The following IGSF21 variants were observed in gnomAD, a reference collection of about 807,000 sequenced individuals.
IGSF21 encodes immunoglobin superfamily member 21.
In IGSF21, 28 loss-of-function variants were observed where a neutral mutation model predicts 46.8. The observed-to-expected ratio is 0.60, with a 90% CI of 0.44 to 0.82. The LOEUF (loss-of-function observed/expected upper bound fraction) is 0.82. Ranked by LOEUF, IGSF21 falls within the 40% of genes least tolerant of loss-of-function variation. The pLI is 0.00. For synonymous variants in IGSF21, 284 were observed against 273.6 expected, an observed-to-expected ratio of 1.04 and a Z score of -0.38; for missense variants, 624 against 665.5, an observed-to-expected ratio of 0.94 and a Z score of 0.69.
chr1:18,321,617 A>C (rs183416831), intron 3 of IGSF21, among the ~76,000 whole-genome samples: 538 of 152,304 alleles, frequency 3.5e-3, no homozygotes, highest in Non-Finnish European at 5.9e-3. Context: ...CTCTCACCCC[A>C]TGAGCCAGAA....
In IGSF21 at chr1:18,337,603, G is replaced by T. The variant is rs990805640; in HGVS notation, c.424+2593G>T. ...GCACCGTGGCAACCTGGAAGCCAGG[G>T]TGTGTCTCTGGGAGTGGCAGAGACA... On this transcript the variant is annotated intron_variant, in intron 4 of 9. Coordinates refer to ENST00000251296, the MANE Select transcript of IGSF21 (RefSeq NM_032880.5). This position sits in a 1 kb window ranked among gnomAD's most constrained non-coding sequence, Gnocchi z 5.7. Among the ~76,000 whole-genome samples the T allele has an allele frequency of 6.6e-6, 1 of 151,664 alleles. No homozygotes were observed. The highest frequency in any genetic ancestry group is 1.5e-5 in the Non-Finnish European group (1 of 67,980).
At chr1:18,217,615 T>C (rs2084462616) in intron 1 of IGSF21, among the ~76,000 whole-genome samples, 1 of 152,234 alleles carries the variant, frequency 6.6e-6, no homozygotes, top group Non-Finnish European at 1.5e-5. Context: ...CATTGTGTCC[T>C]GTGACTATAG....
At chr1:18,339,915 T>G (rs955962387) in intron 4 of IGSF21, among the ~76,000 whole-genome samples, 5 of 152,142 alleles carry the variant, frequency 3.3e-5, no homozygotes, top group African/African-American at 1.2e-4. Context: ...CCTCCCCCAC[T>G]TCTCAAACCC....
chr1:18,145,577 C>T (rs1191392172), intron 1 of IGSF21, among the ~76,000 whole-genome samples: 4 of 152,070 alleles, frequency 2.6e-5, no homozygotes, highest in Non-Finnish European at 4.4e-5. Context: ...TTCTTTCCAC[C>T]GAGGACACGA....
rs147663697 is a variant in IGSF21 at position 18,292,101 on chromosome 1, G to C, written c.305+114G>C. The C allele has an allele frequency of 2.7e-4, 314 of 1,155,922 alleles. 1 individual carries two copies. The African/African-American group carries it at 4.4e-3, about 16-fold the overall frequency. The allele number at this position is 1,155,922 out of a possible 1,614,324, so 71.6% of individuals were successfully genotyped here. ...TCAATCCCTCGGTGCTCTTGGGCTTGGAAGGCAGAACTGGGGGCTCCCCTT... is the reference window on the plus strand; with the variant it reads ...TCAATCCCTCGGTGCTCTTGGGCTTCGAAGGCAGAACTGGGGGCTCCCCTT... On this transcript the variant is annotated intron_variant, in intron 3 of 9. Coordinates refer to ENST00000251296, the MANE Select transcript of IGSF21 (RefSeq NM_032880.5).
At chr1:18,233,130 A>G (rs1252798932) in intron 2 of IGSF21, among the ~76,000 whole-genome samples, 3 of 152,150 alleles carry the variant, frequency 2.0e-5, no homozygotes, top group African/African-American at 4.8e-5. Context: ...TTCTTTTACA[A>G]TTTGTTCCCA....
At chr1:18,249,274 G>A (rs1263461545) in intron 2 of IGSF21, among the ~76,000 whole-genome samples, 3 of 152,206 alleles carry the variant, frequency 2.0e-5, no homozygotes, top group Non-Finnish European at 4.4e-5. Context: ...GGAGGTGTAA[G>A]GACAGGGCAA....
At chr1:18,219,763 G>C (rs768916531) in intron 1 of IGSF21, among the ~76,000 whole-genome samples, 1 of 152,120 alleles carries the variant, frequency 6.6e-6, no homozygotes, top group Non-Finnish European at 1.5e-5. Flanking sequence ...GGCAGTGATG[G>C]ACTGCCTTAC....
chr1:18,193,056 G>A (rs1346548791), intron 1 of IGSF21, among the ~76,000 whole-genome samples: 2 of 151,918 alleles, frequency 1.3e-5, no homozygotes, highest in South Asian at 2.1e-4. Flanking sequence ...CCAAGTTCAT[G>A]GGGCTGAGAC....
intron 1 of IGSF21, among the ~76,000 whole-genome samples, chr1:18,151,510 T>C (rs2086521964): frequency 6.6e-6 from 1 of 152,122 alleles, no homozygotes; most frequent in Non-Finnish European, 1.5e-5. Context: ...GCATATACCA[T>C]CGACATCCAC....
At chr1:18,147,116 C>T (rs888608754) in intron 1 of IGSF21, among the ~76,000 whole-genome samples, 7 of 152,220 alleles carry the variant, frequency 4.6e-5, no homozygotes, top group African/African-American at 1.7e-4. Flanking sequence ...CCATAGCCTC[C>T]CTGCTGGTCT....
intron 1 of IGSF21, among the ~76,000 whole-genome samples, chr1:18,205,580 CA>C (rs1416758314): frequency 2.0e-5 from 3 of 152,120 alleles, no homozygotes; most frequent in African/African-American, 7.2e-5. Context: ...ATCGCAGAAT[CA>C]GCTTTGGAAA....
chr1:18,360,509 G>T (rs553948492), intron 4 of IGSF21, among the ~76,000 whole-genome samples: 1 of 152,288 alleles, frequency 6.6e-6, no homozygotes, highest in South Asian at 2.1e-4. Context: ...ACCTGGCATT[G>T]TTCCCGGCAC....
intron 2 of IGSF21, among the ~76,000 whole-genome samples, chr1:18,283,603 G>A (rs1339210308): frequency 6.6e-6 from 1 of 152,102 alleles, no homozygotes; most frequent in East Asian, 1.9e-4. Context: ...TACACAGCAG[G>A]CGGCCAGGCG....
chr1:18,297,088 A>T (rs1197150759), intron 3 of IGSF21, among the ~76,000 whole-genome samples: 1 of 152,130 alleles, frequency 6.6e-6, no homozygotes, highest in Non-Finnish European at 1.5e-5. Context: ...TCACCGACTG[A>T]TGCTATGTCT....
intron 3 of IGSF21, among the ~76,000 whole-genome samples, chr1:18,326,061 G>A (rs1381983293): frequency 6.6e-6 from 1 of 152,110 alleles, no homozygotes; most frequent in African/African-American, 2.4e-5. Context: ...TTTTTTCCAG[G>A]GAGTAGCAAA....
intron 1 of IGSF21, among the ~76,000 whole-genome samples, chr1:18,155,575 C>T (rs79801589): frequency 1.3e-5 from 2 of 152,260 alleles, no homozygotes; most frequent in African/African-American, 4.8e-5. Flanking sequence ...GAAGAATGCA[C>T]AGCATGCAGG....
chr1:18,182,161 T>G (rs1158526862), intron 1 of IGSF21, among the ~76,000 whole-genome samples: 2 of 149,448 alleles, frequency 1.3e-5, no homozygotes, highest in African/African-American at 2.5e-5. Flanking sequence ...TGCCACCACT[T>G]CTGAAAGGTG....
intron 2 of IGSF21, among the ~76,000 whole-genome samples, chr1:18,241,802 G>A (rs113167214): frequency 0.012 from 1,804 of 152,306 alleles, 13 homozygotes; most frequent in Non-Finnish European, 0.019. Flanking sequence ...ACAAGATGCC[G>A]GTACAGTTGT....
Sources: allele counts gnomAD v4.1 joint callset (sites outside exome capture counted in the v4.1 genomes callset), GRCh38; gene constraint gnomAD v4.1.1; non-coding constraint Gnocchi (gnomAD v3.1); transcripts MANE v1.5; gene names NCBI Gene and HGNC (gene_info 2026-07-23, HGNC 2026-07-21).